The following SYT1 variants were observed in gnomAD, a reference collection of about 807,000 sequenced individuals.
SYT1 encodes the protein synaptotagmin-1.
Under a neutral mutation model 44.8 loss-of-function variants are expected in SYT1, and 8 were observed. The observed-to-expected ratio is 0.18, with a 90% CI of 0.10 to 0.32. The LOEUF is 0.32. Ranked by LOEUF, SYT1 falls within the 10% of genes least tolerant of loss-of-function variation. The probability of loss-of-function intolerance (pLI) is 1.00; values close to 1 mark genes in which losing one functional copy is unlikely to be tolerated. For synonymous variants in SYT1, 154 were observed against 188.8 expected, an observed-to-expected ratio of 0.82 and a Z score of 1.51; for missense variants, 286 against 509.3, an observed-to-expected ratio of 0.56 and a Z score of 4.22.
intron 3 of SYT1, among the ~76,000 whole-genome samples, chr12:79,170,195 T>G (rs1322749720): frequency 6.6e-6 from 1 of 152,114 alleles, no homozygotes; most frequent in Non-Finnish European, 1.5e-5. Flanking sequence ...ATGATTTCTA[T>G]TCCTTTGAGT....
chr12:79,223,408 A>G (rs572749694), intron 4 of SYT1, among the ~76,000 whole-genome samples: 1 of 152,176 alleles, frequency 6.6e-6, no homozygotes, highest in Admixed American at 6.5e-5. Context: ...TGCAAATGGA[A>G]AGACACTAAG....
At chr12:79,121,659 C>T (rs928245537) in intron 3 of SYT1, among the ~76,000 whole-genome samples, 1 of 152,162 alleles carries the variant, frequency 6.6e-6, no homozygotes, top group African/African-American at 2.4e-5. Context: ...AGACAGCTAA[C>T]GAGCAATGAG....
intron 3 of SYT1, among the ~76,000 whole-genome samples, chr12:79,079,880 TGCTGAC>T (rs1876910829): frequency 6.6e-6 from 1 of 152,106 alleles, no homozygotes; most frequent in African/African-American, 2.4e-5. Context: ...CTGTCCTTTG[TGCTGAC>T]TCAAGGATAA....
intron 1 of SYT1, among the ~76,000 whole-genome samples, chr12:78,939,726 CA>C (rs1200152961): frequency 6.6e-6 from 1 of 152,036 alleles, no homozygotes; most frequent in East Asian, 1.9e-4. Flanking sequence ...AACCAGTGTT[CA>C]AAAAGAGATT....
In SYT1 at chr12:79,145,448, T is replaced by C. The variant is rs561596324; in HGVS notation, c.-17-72055T>C. ...TTTTATCTGATTCTTTCTATGACTTTAATAATTTTTTATCTAATTCTTTAC... is the reference window on the plus strand; with the variant it reads ...TTTTATCTGATTCTTTCTATGACTTCAATAATTTTTTATCTAATTCTTTAC... On this transcript the variant is annotated intron_variant, in intron 3 of 10. Transcript: ENST00000261205. Among the ~76,000 whole-genome samples, 225 of 152,308 alleles carry C rather than the reference T, an allele frequency of 1.5e-3. 1 individual carries two copies. Among genetic ancestry groups the C allele is most frequent in the African/African-American group, 5.3e-3 (219 of 41,590 alleles).
intron 1 of SYT1, among the ~76,000 whole-genome samples, chr12:78,909,004 G>C (rs1876152640): frequency 1.3e-5 from 2 of 151,828 alleles, no homozygotes; most frequent in African/African-American, 4.8e-5. Context: ...GACAAAGAGG[G>C]CATGGAAGTT....
At chr12:79,323,948 C>CTTT (rs56962075) in intron 8 of SYT1, among the ~76,000 whole-genome samples, 14 of 112,618 alleles carry the variant, frequency 1.2e-4, no homozygotes, top group South Asian at 3.1e-4. Context: ...TTTCTATTTT[C>CTTT]TTTTTTTTTT....
At chr12:79,107,574 C>A (rs1022397795) in intron 3 of SYT1, among the ~76,000 whole-genome samples, 8 of 151,740 alleles carry the variant, frequency 5.3e-5, no homozygotes, top group Non-Finnish European at 1.2e-4. Context: ...CCGTTAAAAC[C>A]AAAATATAGC....
rs76557140 is a variant in SYT1, at chr12:78,990,518, A to C, written c.-84+12587A>C. On this transcript the variant is annotated intron_variant, in intron 2 of 10. Coordinates refer to ENST00000261205, the MANE Select transcript of SYT1 (RefSeq NM_005639.3). ...TATAGAAAAGACAATGCGAGTTGAT[A>C]TCTACATGTGTTTTTAAGTACAAAT... 3.9e-5 allele frequency among the ~76,000 whole-genome samples: 6 copies of C among 152,284 alleles called. No individual in the cohort carries two copies. In the East Asian group the frequency reaches 9.6e-4, roughly 24 times the overall value.
At chr12:79,157,642 G>A (rs1267269388) in intron 3 of SYT1, among the ~76,000 whole-genome samples, 2 of 152,210 alleles carry the variant, frequency 1.3e-5, no homozygotes, top group East Asian at 3.9e-4. Context: ...GAACTAGATT[G>A]GGTATTAAGA....
At chr12:78,925,423 A>T (rs1877246983) in intron 1 of SYT1, among the ~76,000 whole-genome samples, 1 of 151,940 alleles carries the variant, frequency 6.6e-6, no homozygotes, top group East Asian at 1.9e-4. Flanking sequence ...AAGTTAACTG[A>T]GGTTCCCCCT....
intron 9 of SYT1, among the ~76,000 whole-genome samples, chr12:79,370,590 C>G (rs1381301080): frequency 6.6e-6 from 1 of 151,854 alleles, no homozygotes. Context: ...GTGAAACCCC[C>G]TCTCTACTAA....
At chr12:79,416,751 A>G (rs901739855) in intron 9 of SYT1, among the ~76,000 whole-genome samples, 8 of 152,198 alleles carry the variant, frequency 5.3e-5, no homozygotes, top group African/African-American at 1.9e-4. Context: ...ACAGCAAACT[A>G]TTTGAAATGC....
chr12:79,179,218 A>T (rs1872210327), intron 3 of SYT1, among the ~76,000 whole-genome samples: 1 of 32,566 alleles, frequency 3.1e-5, no homozygotes, highest in Non-Finnish European at 5.4e-5. Context: ...AGATATAGAT[A>T]TATAGATATA....
chr12:79,228,771 G>A (rs1204258733), intron 4 of SYT1, among the ~76,000 whole-genome samples: 2 of 152,134 alleles, frequency 1.3e-5, no homozygotes, highest in African/African-American at 2.4e-5. Context: ...TACCTTGAAC[G>A]TCTCTCAAAA....
chr12:79,206,875 G>A (rs1483011619), intron 3 of SYT1, among the ~76,000 whole-genome samples: 1 of 152,202 alleles, frequency 6.6e-6, no homozygotes, highest in Non-Finnish European at 1.5e-5. Flanking sequence ...GTGAAAACCA[G>A]GCCAACAGAA....
In SYT1 at chr12:78,893,282, T is replaced by C. The variant is rs1277642058; in HGVS notation, c.-217+28173T>C. Among the ~76,000 whole-genome samples, 3 of 151,828 alleles carry C rather than the reference T, an allele frequency of 2.0e-5. No individual in the cohort carries two copies. The East Asian group carries it at 5.8e-4, about 29-fold the overall frequency. ...TTTCCACTGCTGATTTATCAAAATA[T>C]ATGGATTAGCACTGACTGTAAAGTT... On this transcript the variant is annotated intron_variant, in intron 1 of 10. Transcript: ENST00000261205.
intron 2 of SYT1, among the ~76,000 whole-genome samples, chr12:79,013,749 T>G (rs1871584328): frequency 1.3e-5 from 2 of 152,166 alleles, no homozygotes; most frequent in Admixed American, 1.3e-4. Flanking sequence ...ATGTAAAGGC[T>G]AAGAGAAAAC....
At chr12:79,430,093 T>C (rs1869690323) in intron 9 of SYT1, among the ~76,000 whole-genome samples, 1 of 152,200 alleles carries the variant, frequency 6.6e-6, no homozygotes, top group Non-Finnish European at 1.5e-5. Flanking sequence ...TCACTGAATG[T>C]ATGTCTTATG....
Sources: gnomAD v4.1 joint callset for allele counts (sites outside exome capture counted in the v4.1 genomes callset) on GRCh38, gnomAD v4.1.1 for gene constraint, MANE v1.5 for transcripts, NCBI Gene and HGNC (gene_info 2026-07-23, HGNC 2026-07-21) for gene names.